The following SESTD1 variants were observed in gnomAD, a reference collection of about 807,000 sequenced individuals.
The protein encoded by SESTD1 is SEC14 domain and spectrin repeat-containing protein 1.
Under a neutral mutation model 101.7 loss-of-function variants are expected in SESTD1, and 43 were observed. The observed-to-expected ratio is 0.42, with a 90% CI of 0.33 to 0.55. The LOEUF (loss-of-function observed/expected upper bound fraction) is 0.55, where lower values mean the gene tolerates loss of function less well. Ranked by LOEUF, SESTD1 falls within the 20% of genes least tolerant of loss-of-function variation. The probability of loss-of-function intolerance (pLI) is 0.07; values close to 1 mark genes in which losing one functional copy is unlikely to be tolerated. For missense variants in SESTD1, 647 were observed against 815.1 expected, an observed-to-expected ratio of 0.79 and a Z score of 2.51; for synonymous variants, 283 against 286.8, an observed-to-expected ratio of 0.99 and a Z score of 0.13.
chr2:179,111,529 G>C (rs2044506104), intron 17 of SESTD1, among the ~76,000 whole-genome samples: 2 of 152,136 alleles, frequency 1.3e-5, no homozygotes, highest in South Asian at 4.1e-4. Flanking sequence ...GTGAGTAAGT[G>C]GTAGAGCTGA....
At chr2:179,143,463 A>C (rs1258544995) in intron 9 of SESTD1, 129 bp downstream of exon 9, 2 of 673,480 alleles carry the variant, frequency 3.0e-6, no homozygotes, top group African/African-American at 1.8e-5. Context: ...CATAATTTAA[A>C]AGTTTTAGAA....
chr2:179,173,028 C>T (rs953047488), intron 4 of SESTD1, among the ~76,000 whole-genome samples: 4 of 152,174 alleles, frequency 2.6e-5, no homozygotes, highest in South Asian at 2.1e-4. Flanking sequence ...AGCTCAGGCC[C>T]CTGTTGGCCT....
chr2:179,184,516 G>A (rs968705837), intron 2 of SESTD1, among the ~76,000 whole-genome samples: 8 of 151,274 alleles, frequency 5.3e-5, no homozygotes, highest in Admixed American at 6.6e-5. Flanking sequence ...CAATCAATAC[G>A]ACTTCAATTG....
chr2:179,140,060 C>T (rs1352987742), intron 9 of SESTD1, among the ~76,000 whole-genome samples: 5 of 152,170 alleles, frequency 3.3e-5, no homozygotes, highest in Admixed American at 1.3e-4. Flanking sequence ...GCTTTGATTC[C>T]GTTTACGTCC....
chr2:179,196,125 G>A (rs868508318), intron 1 of SESTD1, among the ~76,000 whole-genome samples: 4 of 152,250 alleles, frequency 2.6e-5, no homozygotes, highest in Non-Finnish European at 4.4e-5. Context: ...GAAGCAGGGC[G>A]AGGCATTGCC....
At chr2:179,251,013 T>C (rs2047308843) in intron 1 of SESTD1, among the ~76,000 whole-genome samples, 1 of 152,116 alleles carries the variant, frequency 6.6e-6, no homozygotes, top group African/African-American at 2.4e-5. Context: ...AGTCAAAAGC[T>C]AGAAACAGCC....
At chr2:179,155,699 A>C (rs1356657597) in intron 5 of SESTD1, among the ~76,000 whole-genome samples, 1 of 152,144 alleles carries the variant, frequency 6.6e-6, no homozygotes. Context: ...AATACTGACA[A>C]AAATCTCTCT....
chr2:179,187,933 A>C (rs966774018), intron 2 of SESTD1, among the ~76,000 whole-genome samples: 2 of 152,202 alleles, frequency 1.3e-5, no homozygotes, highest in Non-Finnish European at 2.9e-5. Context: ...CAGATTCATA[A>C]AAAAAGTAAT....
At position 179,213,348 on chromosome 2, in the gene SESTD1, G is replaced by A. The variant is rs192406002; in HGVS notation, c.-25-21482C>T. Among the ~76,000 whole-genome samples, 11 of 134,882 alleles carry A rather than the reference G, an allele frequency of 8.2e-5. 2 individuals are homozygous for A. Among genetic ancestry groups the A allele is most frequent in the African/African-American group, 3.2e-4 (11 of 34,128 alleles). The allele number at this position is 134,882 out of a possible 152,430, so 88.5% of individuals were successfully genotyped here. On this transcript the variant is annotated intron_variant, in intron 1 of 17. Transcript: ENST00000428443. Reference sequence around the variant, plus strand: ...AACCATGGCACAAGAACTTCAAGACGCAGGCACAAGCTTCAATAGCCGATT... The same window carrying A: ...AACCATGGCACAAGAACTTCAAGACACAGGCACAAGCTTCAATAGCCGATT...
intron 2 of SESTD1, among the ~76,000 whole-genome samples, chr2:179,191,129 C>A (rs540964370): frequency 6.6e-6 from 1 of 152,124 alleles, no homozygotes; most frequent in African/African-American, 2.4e-5. Flanking sequence ...TGCATTCATA[C>A]GTTCCTTGCA....
At position 179,107,118 on chromosome 2, in the gene SESTD1, T is replaced by C. The variant is rs1301359531; in HGVS notation, c.*2781A>G. 4 of 152,288 alleles carry C rather than the reference T, an allele frequency of 2.6e-5. No homozygotes were observed. In the East Asian group the frequency reaches 7.7e-4, roughly 29 times the overall value. 9.4% of individuals were successfully genotyped at this position (152,288 alleles called of 1,614,324 possible). ...AGACTTGCAAGCTGATGTTAATTTA[T>C]GACATAGAAACAGCTTGTGGTTTCA... is the stretch of plus-strand genomic sequence containing the variant. On this transcript the variant is annotated 3_prime_UTR_variant, in exon 18 of 18. Transcript: ENST00000428443.
chr2:179,181,993 A>T (rs900295048), intron 3 of SESTD1, among the ~76,000 whole-genome samples: 14 of 7,084 alleles, frequency 2.0e-3, no homozygotes, highest in African/African-American at 7.4e-3. Context: ...CACAATATTA[A>T]AAAAAAAAAA....
intron 9 of SESTD1, among the ~76,000 whole-genome samples, chr2:179,142,774 C>A (rs548761361): frequency 6.6e-6 from 1 of 152,186 alleles, no homozygotes; most frequent in South Asian, 2.1e-4. Context: ...AGAAATAATC[C>A]ATCCTATAAT....
intron 5 of SESTD1, among the ~76,000 whole-genome samples, chr2:179,152,208 A>G (rs1336960418): frequency 6.6e-6 from 1 of 152,224 alleles, no homozygotes; most frequent in African/African-American, 2.4e-5. Context: ...CACTCTCACA[A>G]TAACAAAAGC....
At chr2:179,173,959 A>T (rs1357662203) in intron 4 of SESTD1, among the ~76,000 whole-genome samples, 1 of 152,190 alleles carries the variant, frequency 6.6e-6, no homozygotes, top group African/African-American at 2.4e-5. Flanking sequence ...AAACCTTTGG[A>T]GGTAAACATG....
At chr2:179,264,132 G>A (rs1322244494) in intron 1 of SESTD1, 1 of 152,186 alleles carries the variant, frequency 6.6e-6, no homozygotes, top group Non-Finnish European at 1.5e-5. Flanking sequence ...TGCACAATTC[G>A]GGTCCCTTTC....
At chr2:179,116,884 A>C in intron 14 of SESTD1, 94 bp from the exon 15 acceptor site, 1 of 1,467,978 alleles carries the variant, frequency 6.8e-7, no homozygotes, top group Non-Finnish European at 9.1e-7. Flanking sequence ...TCATGTGATT[A>C]ATAAATCCGT....
chr2:179,125,516 G>GCT (rs961687296), intron 10 of SESTD1, among the ~76,000 whole-genome samples: 4 of 152,108 alleles, frequency 2.6e-5, no homozygotes, highest in Non-Finnish European at 5.9e-5. Flanking sequence ...GGTGGATAGC[G>GCT]CTCTCTCTCT....
chr2:179,145,877 T>G (rs1160926745), intron 8 of SESTD1, among the ~76,000 whole-genome samples: 2 of 151,490 alleles, frequency 1.3e-5, no homozygotes, highest in Non-Finnish European at 3.0e-5. Flanking sequence ...ACATAAGGAG[T>G]GTTCAATAAT....
Sources: gnomAD v4.1 joint callset for allele counts (sites outside exome capture counted in the v4.1 genomes callset) on GRCh38, gnomAD v4.1.1 for gene constraint, MANE v1.5 for transcripts, NCBI Gene and HGNC (gene_info 2026-07-23, HGNC 2026-07-21) for gene names.